Variants in CTBP2 observed in about 807,000 individuals in gnomAD.
CTBP2 encodes C-terminal binding protein 2.
Under a neutral mutation model 80.3 loss-of-function variants are expected in CTBP2, and 30 were observed. That is an observed-to-expected ratio of 0.37 (90% CI 0.28 to 0.51). The LOEUF is 0.51. Ranked by LOEUF, CTBP2 falls within the 20% of genes least tolerant of loss-of-function variation. The probability of loss-of-function intolerance (pLI) is 0.93; values close to 1 mark genes in which losing one functional copy is unlikely to be tolerated. For synonymous variants in CTBP2, 594 were observed against 587.4 expected, an observed-to-expected ratio of 1.01 and a Z score of -0.16; for missense variants, 1,212 against 1,375.3, an observed-to-expected ratio of 0.88 and a Z score of 1.88.
intron 1 of CTBP2, among the ~76,000 whole-genome samples, chr10:125,010,070 G>C (rs1375848103): frequency 2.0e-5 from 3 of 152,162 alleles, no homozygotes; most frequent in African/African-American, 4.8e-5. Context: ...CAGCTGCAGA[G>C]AAGACTGCGG....
At chr10:125,161,781 G>C (rs1374580834), upstream of CTBP2, among the ~76,000 whole-genome samples, 1 of 152,148 alleles carries the variant, frequency 6.6e-6, no homozygotes, top group Non-Finnish European at 1.5e-5. Context: ...GCCCTGTGTT[G>C]GGTCGGAGCC....
chr10:125,112,415 C>T (rs1376075689), intron 1 of CTBP2, among the ~76,000 whole-genome samples: 1 of 145,046 alleles, frequency 6.9e-6, no homozygotes, highest in African/African-American at 2.6e-5. Flanking sequence ...GCCCAGCCAT[C>T]ATTCTACCTT....
At chr10:125,049,041 C>CCACACACACACACACACACA (rs1364121384) in intron 2 of CTBP2, among the ~76,000 whole-genome samples, 11 of 112,402 alleles carry the variant, frequency 9.8e-5, no homozygotes, top group South Asian at 5.3e-4. Context: ...GCCCGCCTGA[C>CCACACACACACACACACACA]CACAGACACA....
intron 2 of CTBP2, among the ~76,000 whole-genome samples, chr10:125,096,295 G>A (rs1205770608): frequency 6.6e-6 from 1 of 152,146 alleles, no homozygotes; most frequent in Non-Finnish European, 1.5e-5. Context: ...AGAGAAAGAA[G>A]ACAGTGAACT....
chr10:125,098,535 G>A (rs1002224136), intron 2 of CTBP2, among the ~76,000 whole-genome samples: 1 of 152,026 alleles, frequency 6.6e-6, no homozygotes, highest in East Asian at 1.9e-4. Context: ...TCCGAGGATG[G>A]GGGTTTATGT....
At chr10:125,127,128 C>T (rs2136093699) in intron 1 of CTBP2, among the ~76,000 whole-genome samples, 1 of 152,296 alleles carries the variant, frequency 6.6e-6, no homozygotes, top group African/African-American at 2.4e-5. Flanking sequence ...TGCCTCAGCC[C>T]CATGCACATG....
At chr10:125,140,653 T>C (rs1196932599) in intron 1 of CTBP2, among the ~76,000 whole-genome samples, 2 of 151,820 alleles carry the variant, frequency 1.3e-5, no homozygotes, top group Admixed American at 1.3e-4. Flanking sequence ...CAAAAGCCCA[T>C]TTCTACAAAA....
chr10:125,106,101 C>A (rs529469301), intron 2 of CTBP2, among the ~76,000 whole-genome samples: 3 of 152,332 alleles, frequency 2.0e-5, no homozygotes, highest in East Asian at 3.9e-4. Flanking sequence ...AGTGGCCAGG[C>A]CTGTCTAGGG....
chr10:125,092,838 T>C (rs1175790622), intron 2 of CTBP2, among the ~76,000 whole-genome samples: 1 of 152,072 alleles, frequency 6.6e-6, no homozygotes, highest in Non-Finnish European at 1.5e-5. Flanking sequence ...AGTTACCACA[T>C]GAGAGCGACA....
chr10:124,998,371 A>G (rs1440706223), intron 3 of CTBP2: 1 of 610,908 alleles, frequency 1.6e-6, no homozygotes, highest in South Asian at 2.0e-5. Context: ...CCCAACATCT[A>G]CCCCTCCCTC....
chr10:125,070,382 C>G (rs1288658510), intron 2 of CTBP2, among the ~76,000 whole-genome samples: 1 of 151,808 alleles, frequency 6.6e-6, no homozygotes, highest in East Asian at 1.9e-4. Flanking sequence ...ATGTATCGTA[C>G]TAATGTAAGA....
chr10:125,028,385 T>C (rs1443721262), upstream of CTBP2, among the ~76,000 whole-genome samples: 1 of 152,064 alleles, frequency 6.6e-6, no homozygotes, highest in African/African-American at 2.4e-5. Flanking sequence ...TCCACCGTGA[T>C]GAAACGTTAA....
chr10:125,063,955 T>C (rs1400654311), intron 2 of CTBP2, among the ~76,000 whole-genome samples: 4 of 152,158 alleles, frequency 2.6e-5, no homozygotes, highest in Non-Finnish European at 5.9e-5. Context: ...GGGTGCTCTC[T>C]GCTGAAGCCC....
intron 2 of CTBP2, among the ~76,000 whole-genome samples, chr10:125,053,736 A>G (rs1228403548): frequency 1.3e-5 from 2 of 152,196 alleles, no homozygotes; most frequent in African/African-American, 2.4e-5. Context: ...CCAGAGCCGA[A>G]GGTGTAGACG....
At chr10:125,036,709 GTGTGTGTTTGTGTGTGTT>G (rs1958938121) in intron 3 of CTBP2, among the ~76,000 whole-genome samples, 1 of 103,088 alleles carries the variant, frequency 9.7e-6, no homozygotes, top group African/African-American at 5.3e-5. Context: ...GTGTGTGTGT[GTGTGTGTTTGTGTGTGTT>G]AGATGTTCAA....
At chr10:125,128,841 G>A (rs181708233) in intron 1 of CTBP2, among the ~76,000 whole-genome samples, 5 of 152,346 alleles carry the variant, frequency 3.3e-5, no homozygotes, top group African/African-American at 1.2e-4. Flanking sequence ...AAAAAGACAT[G>A]CATGAGAATG....
At chr10:125,129,301 TG>T (rs1258584323) in intron 1 of CTBP2, among the ~76,000 whole-genome samples, 2 of 152,076 alleles carry the variant, frequency 1.3e-5, no homozygotes, top group Admixed American at 6.6e-5. Flanking sequence ...GGTAGGGCTT[TG>T]GGGGGTACGC....
intron 8 of CTBP2, among the ~76,000 whole-genome samples, chr10:124,991,916 A>C (rs1439847586): frequency 1.4e-5 from 2 of 146,328 alleles, no homozygotes; most frequent in Non-Finnish European, 3.0e-5. Context: ...GTGGGAGAAA[A>C]CCGATTCGTG....
Position 125,091,497 on chromosome 10 carries a change from G to A in CTBP2, c.-102+19493C>T, listed in dbSNP as rs117978323. On this transcript the variant is annotated intron_variant, in intron 2 of 10. Transcript: ENST00000337195. ...CTATTTAAAAAGTAACATAGGCCAG[G>A]TGCAGTGGCTCACACCTGTAATCCC... Among the ~76,000 whole-genome samples the A allele has an allele frequency of 7.8e-3, 1,185 of 152,310 alleles. 11 individuals carry two copies. Among genetic ancestry groups the A allele is most frequent in the Middle Eastern group, 0.031 (9 of 294 alleles).
Sources: gnomAD v4.1 joint callset for allele counts (sites outside exome capture counted in the v4.1 genomes callset) on GRCh38, gnomAD v4.1.1 for gene constraint, MANE v1.5 for transcripts, NCBI Gene and HGNC (gene_info 2026-07-23, HGNC 2026-07-21) for gene names.